Variants in ABCA13 observed in about 807,000 individuals in gnomAD.
The protein encoded by ABCA13 is ATP binding cassette subfamily A member 13.
In ABCA13, 476 loss-of-function variants were observed where a neutral mutation model predicts 478.7. The observed-to-expected ratio is 0.99, with a 90% confidence interval of 0.92 to 1.07. The LOEUF (loss-of-function observed/expected upper bound fraction) is 1.07. Among genes scored for constraint, ABCA13 ranks in the 50% least tolerant of loss-of-function variants. ABCA13 has a pLI of 0.00. For missense variants in ABCA13, 6,060 were observed against 5,910.6 expected (o/e 1.03, Z -0.83); for synonymous variants, 2,252 against 2,158.9 (o/e 1.04, Z -1.20).
At chr7:48,534,414 C>T (rs1232380223) in intron 55 of ABCA13, among the ~76,000 whole-genome samples, 1 of 152,036 alleles carries the variant, frequency 6.6e-6, no homozygotes, top group Non-Finnish European at 1.5e-5. Flanking sequence ...GATTCTTTCC[C>T]TTGTCTTTAC....
intron 5 of ABCA13, among the ~76,000 whole-genome samples, chr7:48,226,603 C>T (rs907392386): frequency 3.9e-5 from 6 of 152,160 alleles, no homozygotes; most frequent in African/African-American, 1.4e-4. Flanking sequence ...AACTGTGGAG[C>T]TTGGATCACA....
chr7:48,262,396 T>C (rs1012495855), intron 15 of ABCA13, among the ~76,000 whole-genome samples: 1 of 151,876 alleles, frequency 6.6e-6, no homozygotes, highest in African/African-American at 2.4e-5. Context: ...ATGCTTATAG[T>C]CAGATGCTTA....
chr7:48,294,495 G>A (rs1309237196), intron 20 of ABCA13, among the ~76,000 whole-genome samples: 1 of 147,588 alleles, frequency 6.8e-6, no homozygotes, highest in Non-Finnish European at 1.5e-5. Flanking sequence ...GCCAGACTGC[G>A]GACTGCAGTG....
intron 29 of ABCA13, among the ~76,000 whole-genome samples, chr7:48,340,004 A>G (rs1209913847): frequency 6.6e-6 from 1 of 152,206 alleles, no homozygotes; most frequent in Non-Finnish European, 1.5e-5. Flanking sequence ...TCCTATAAAC[A>G]GTACCTGGAA....
At chr7:48,360,346 T>C (rs998872500) in intron 31 of ABCA13, among the ~76,000 whole-genome samples, 2 of 152,054 alleles carry the variant, frequency 1.3e-5, no homozygotes, top group Non-Finnish European at 2.9e-5. Context: ...GCTTCATCCA[T>C]GTCCCTACAA....
intron 31 of ABCA13, among the ~76,000 whole-genome samples, chr7:48,356,242 G>T (rs1809890775): frequency 6.6e-6 from 1 of 151,952 alleles, no homozygotes; most frequent in Non-Finnish European, 1.5e-5. Flanking sequence ...TTCATAGAGA[G>T]TAGCTTCCAT....
chr7:48,314,093 C>T (rs1190212112), intron 25 of ABCA13, 139 bp from the exon 26 acceptor site: 1 of 1,041,490 alleles, frequency 9.6e-7, no homozygotes, highest in Admixed American at 2.9e-5. Context: ...ACAGAAAACT[C>T]TAAAGCAGAC....
At position 48,271,788 on chromosome 7, in the gene ABCA13, G is replaced by A. The variant is rs750624099; in HGVS notation, c.2122G>A (p.Ala708Thr). 1.4e-6 allele frequency: 2 copies of A among 1,473,290 alleles called. No individual in the cohort carries two copies. Among genetic ancestry groups the A allele is most frequent in the Admixed American group, 2.4e-5 (1 of 40,820 alleles). 91.3% of individuals were successfully genotyped at this position (1,473,290 alleles called of 1,614,324 possible). The part of the protein sequence containing the change: ...LKSPTASISR[A>T]LNFTKHLLMM... ...AAAATAATTCTATTAATATTACAGG[G>A]CTTTAAATTTCACAAAGCACCTTCT... The change falls in exon 17 of 62, where the codon GCT becomes ACT. Residue 708 changes from alanine to threonine, a missense_variant and splice_region_variant. Physicochemically the swap from Ala to Thr is moderately conservative, Grantham distance 58. Transcript: ENST00000435803.
chr7:48,422,463 C>A (rs1269235226), intron 41 of ABCA13, among the ~76,000 whole-genome samples: 1 of 152,162 alleles, frequency 6.6e-6, no homozygotes, highest in Admixed American at 6.5e-5. Flanking sequence ...TAACTTATGT[C>A]TTTTAATCTT....
intron 28 of ABCA13, among the ~76,000 whole-genome samples, chr7:48,338,142 A>G (rs1317422370): frequency 6.6e-6 from 1 of 152,242 alleles, no homozygotes; most frequent in Non-Finnish European, 1.5e-5. Flanking sequence ...CATAATTACA[A>G]CTACAACATA....
At chr7:48,180,324 C>A (rs958967357) in intron 1 of ABCA13, among the ~76,000 whole-genome samples, 1 of 152,166 alleles carries the variant, frequency 6.6e-6, no homozygotes, top group Non-Finnish European at 1.5e-5. Flanking sequence ...TTAGGCACTG[C>A]CCTTACCACT....
chr7:48,228,820 C>T (rs977914893), intron 6 of ABCA13, among the ~76,000 whole-genome samples: 9 of 152,108 alleles, frequency 5.9e-5, no homozygotes, highest in African/African-American at 1.2e-4. Context: ...TATTCTTGCC[C>T]GAAGCTCTGA....
At chr7:48,469,508 T>C in intron 44 of ABCA13, among the ~76,000 whole-genome samples, 1 of 151,996 alleles carries the variant, frequency 6.6e-6, no homozygotes, top group East Asian at 1.9e-4. Context: ...TTTGCATCAG[T>C]GTGCTCTCAG....
chr7:48,406,743 C>T (rs1440644883), intron 39 of ABCA13, among the ~76,000 whole-genome samples: 4 of 151,992 alleles, frequency 2.6e-5, no homozygotes, highest in African/African-American at 9.7e-5. Flanking sequence ...CATGGTGGCG[C>T]ATGCCTGTAG....
At chr7:48,466,740 T>C (rs887701071) in intron 43 of ABCA13, among the ~76,000 whole-genome samples, 2 of 152,216 alleles carry the variant, frequency 1.3e-5, no homozygotes, top group Non-Finnish European at 2.9e-5. Flanking sequence ...GCATATCTGA[T>C]GGCAAAACTA....
Position 48,278,504 on chromosome 7 carries a change from ACTT to A in ABCA13, c.7313_7315del (p.Phe2438del). ...ACAATTTTACACTCTCCTAATAAGG[ACTT>A]CTATGCTTTGTATCCTACCCTCCAA... is the stretch of plus-strand genomic sequence containing the variant. On this transcript the variant is annotated inframe_deletion, in exon 18 of 62. Coordinates refer to ENST00000435803, the MANE Select transcript of ABCA13 (RefSeq NM_152701.5). 1 of 1,613,930 alleles carries A rather than the reference ACTT, an allele frequency of 6.2e-7. No individual in the cohort carries two copies. Among genetic ancestry groups the A allele is most frequent in the Non-Finnish European group, 8.5e-7 (1 of 1,179,874 alleles).
Position 48,234,096 on chromosome 7 carries a change from G to T in ABCA13, c.842G>T (p.Gly281Val). 1.2e-6 allele frequency: 2 copies of T among 1,613,998 alleles called. No individual in the cohort carries two copies. The highest frequency in any genetic ancestry group is 4.5e-5 in the East Asian group (2 of 44,884). ...CAGTATGATCTCAAATCCCAGTTTG[G>T]CTTTGATGATCTTCACACGGAACAG... is the stretch of plus-strand genomic sequence containing the variant. ...KVQYDLKSQF[G>V]FDDLHTEQIL... is the part of the protein sequence containing the mutation. Residue 281 changes from glycine to valine, a missense_variant, in exon 8 of 62, where the codon GGC becomes GTC. By Grantham distance (109) the Gly-to-Val change is moderately radical (BLOSUM62 -3). Around this residue, in one of 3 missense-constraint regions of ABCA13, gnomAD observed 4,423 missense variants for 4,309.1 expected, o/e 1.03. Transcript: ENST00000435803.
chr7:48,203,595 T>G (rs969182117), intron 3 of ABCA13, among the ~76,000 whole-genome samples: 4 of 151,106 alleles, frequency 2.6e-5, no homozygotes, highest in African/African-American at 9.7e-5. Flanking sequence ...CCTGCCTTTG[T>G]TGGGGGGTTT....
Position 48,615,355 on chromosome 7 carries a change from TCTC to T in ABCA13, c.14819_14821del (p.Pro4940del), listed in dbSNP as rs770439749. 54 of 1,571,992 alleles carry T rather than the reference TCTC, an allele frequency of 3.4e-5. No individual in the cohort carries two copies. Among genetic ancestry groups the T allele is most frequent in the Non-Finnish European group, 4.6e-5 (53 of 1,157,258 alleles). On this transcript the variant is annotated inframe_deletion, in exon 59 of 62. Transcript: ENST00000435803. Reference sequence around the variant, plus strand: ...TAACGGCAGCTTCAAATGTCTTGGTTCTCCTCAGCACATCAAAAATAGGTGCGT... The same window carrying T: ...TAACGGCAGCTTCAAATGTCTTGGTTCTCAGCACATCAAAAATAGGTGCGT...
Sources: allele counts gnomAD v4.1 joint callset (sites outside exome capture counted in the v4.1 genomes callset), GRCh38; gene constraint gnomAD v4.1.1; regional missense constraint gnomAD v4.1.1; transcripts MANE v1.5; gene names NCBI Gene and HGNC (gene_info 2026-07-23, HGNC 2026-07-21).